Variants in TMEM244 observed in about 807,000 individuals in gnomAD.
The protein encoded by TMEM244 is transmembrane protein 244, also known as putative transmembrane protein 244.
In TMEM244, 13 loss-of-function variants were observed where a neutral mutation model predicts 15.8. The observed-to-expected ratio is 0.82, with a 90% confidence interval of 0.53 to 1.30. TMEM244 has a LOEUF of 1.30. Ranked by LOEUF, TMEM244 falls within the 50% of genes most tolerant of loss-of-function variation. The pLI is 0.00. For synonymous variants in TMEM244, 45 were observed against 48.7 expected (o/e 0.92, Z 0.32); for missense variants, 161 against 144.9 (o/e 1.11, Z -0.57).
At position 129,851,847 on chromosome 6, in the gene TMEM244, A is replaced by G. The variant is rs75726567; in HGVS notation, c.34-5995T>C. 3.3e-5 allele frequency among the ~76,000 whole-genome samples: 5 copies of G among 152,362 alleles called. No individual in the cohort carries two copies. In the East Asian group the frequency reaches 9.6e-4, roughly 29 times the overall value. ...AGTCTAGATATTTGGCTACTGCCAAACTTTTTATTACGTTTTTAAATATAT... is the reference window on the plus strand; with the variant it reads ...AGTCTAGATATTTGGCTACTGCCAAGCTTTTTATTACGTTTTTAAATATAT... On this transcript the variant is annotated intron_variant, in intron 1 of 4. Transcript: ENST00000368143.
chr6:129,856,967 G>A (rs1419219984), intron 1 of TMEM244, among the ~76,000 whole-genome samples: 1 of 151,848 alleles, frequency 6.6e-6, no homozygotes, highest in Admixed American at 6.6e-5. Context: ...ATTAACAGAA[G>A]TGTTAATCAT....
intron 1 of TMEM244, among the ~76,000 whole-genome samples, chr6:129,852,485 G>A (rs1776648289): frequency 6.6e-6 from 1 of 152,086 alleles, no homozygotes; most frequent in African/African-American, 2.4e-5. Context: ...CGCCTTCTTT[G>A]TTCCTCTGGG....
chr6:129,836,685 T>G (rs1776413397), intron 3 of TMEM244, among the ~76,000 whole-genome samples: 1 of 152,136 alleles, frequency 6.6e-6, no homozygotes, highest in African/African-American at 2.4e-5. Context: ...TGAAAAAAGA[T>G]TAGATGAATG....
intron 1 of TMEM244, among the ~76,000 whole-genome samples, chr6:129,859,820 G>C (rs867373745): frequency 6.6e-6 from 1 of 152,078 alleles, no homozygotes; most frequent in South Asian, 2.1e-4. Flanking sequence ...TTGAGTATTC[G>C]AGTTATCTCT....
At chr6:129,852,029 A>C (rs1191410364) in intron 1 of TMEM244, among the ~76,000 whole-genome samples, 1 of 152,202 alleles carries the variant, frequency 6.6e-6, no homozygotes, top group African/African-American at 2.4e-5. Flanking sequence ...CTTATCTTTA[A>C]AGATGCATAA....
At chr6:129,859,526 T>C (rs1776770730) in intron 1 of TMEM244, among the ~76,000 whole-genome samples, 1 of 152,248 alleles carries the variant, frequency 6.6e-6, no homozygotes, top group Non-Finnish European at 1.5e-5. Flanking sequence ...CTGAGATTTT[T>C]ACAACATTTG....
intron 3 of TMEM244, among the ~76,000 whole-genome samples, chr6:129,836,128 C>T (rs1000439853): frequency 3.3e-5 from 5 of 152,136 alleles, no homozygotes; most frequent in Admixed American, 1.3e-4. Flanking sequence ...CCCTGACCCC[C>T]GTGTAGCCTG....
chr6:129,847,831 A>G (rs1248928587), intron 1 of TMEM244, among the ~76,000 whole-genome samples: 1 of 148,162 alleles, frequency 6.7e-6, no homozygotes, highest in African/African-American at 2.5e-5. Context: ...CTGGAGTGCA[A>G]TGGCATGATC....
chr6:129,854,657 G>A (rs1344263559), intron 1 of TMEM244, among the ~76,000 whole-genome samples: 1 of 152,154 alleles, frequency 6.6e-6, no homozygotes, highest in Non-Finnish European at 1.5e-5. Context: ...GTCACTGAAA[G>A]AGGTACAATT....
chr6:129,852,924 A>G (rs1400556926), intron 1 of TMEM244, among the ~76,000 whole-genome samples: 4 of 152,054 alleles, frequency 2.6e-5, no homozygotes, highest in East Asian at 3.9e-4. Context: ...GGTGCTCCTC[A>G]GGTAGATCCC....
chr6:129,858,389 G>C (rs1776748540), intron 1 of TMEM244, among the ~76,000 whole-genome samples: 1 of 152,106 alleles, frequency 6.6e-6, no homozygotes, highest in African/African-American at 2.4e-5. Context: ...GAAACTGGAA[G>C]CCCTTGTGTG....
intron 2 of TMEM244, among the ~76,000 whole-genome samples, chr6:129,844,669 C>T (rs1776538322): frequency 6.6e-6 from 1 of 152,192 alleles, no homozygotes; most frequent in Non-Finnish European, 1.5e-5. Context: ...CCCTTAAAAT[C>T]CGGTGCTCAG....
rs748675775 is a variant in TMEM244, at chr6:129,861,271, G to A, written c.-83C>T. The A allele has an allele frequency of 7.2e-6, 11 of 1,520,314 alleles. No individual in the cohort carries two copies. Among genetic ancestry groups the A allele is most frequent in the Admixed American group, 3.4e-5 (2 of 58,004 alleles). The allele number at this position is 1,520,314 out of a possible 1,614,324, so 94.2% of individuals were successfully genotyped here. Reference sequence around the variant, plus strand: ...TGGAAGAAGACACAATTGTCACCGTGAGCTTTTCAATTACTCCTGGAGACT... The same window carrying A: ...TGGAAGAAGACACAATTGTCACCGTAAGCTTTTCAATTACTCCTGGAGACT... On this transcript the variant is annotated 5_prime_UTR_variant, in exon 1 of 5. Coordinates refer to ENST00000368143, the MANE Select transcript of TMEM244 (RefSeq NM_001010876.2).
chr6:129,840,347 T>C (rs953680174), intron 3 of TMEM244, among the ~76,000 whole-genome samples: 7 of 152,176 alleles, frequency 4.6e-5, no homozygotes, highest in African/African-American at 1.7e-4. Context: ...CCCTATTTAA[T>C]AAATGGTGCT....
intron 3 of TMEM244, among the ~76,000 whole-genome samples, chr6:129,836,636 G>A (rs1422323922): frequency 6.6e-6 from 1 of 152,120 alleles, no homozygotes; most frequent in South Asian, 2.1e-4. Context: ...CTGAGATAAA[G>A]GAGCATCTTC....
At position 129,843,700 on chromosome 6, in the gene TMEM244, G is replaced by A. The variant is rs1048763436; in HGVS notation, c.120-97C>T. ...CGTTACTATTTTCATACAAGGATAAGCTATGCGATTCACCCACATTGTGGC... is the reference window on the plus strand; with the variant it reads ...CGTTACTATTTTCATACAAGGATAAACTATGCGATTCACCCACATTGTGGC... On this transcript the variant is annotated intron_variant, in intron 2 of 4. Transcript: ENST00000368143. 5.7e-6 allele frequency: 5 copies of A among 870,754 alleles called. No individual in the cohort carries two copies. The Admixed American group carries it at 8.7e-5, about 15-fold the overall frequency. 53.9% of individuals were successfully genotyped at this position (870,754 alleles called of 1,614,324 possible). A position where few individuals can be genotyped will look rare whatever the true frequency, so the allele number is the denominator to read the frequency against.
intron 1 of TMEM244, among the ~76,000 whole-genome samples, chr6:129,857,627 T>G (rs1322879392): frequency 6.6e-6 from 1 of 152,102 alleles, no homozygotes; most frequent in African/African-American, 2.4e-5. Flanking sequence ...CCCAAAGTGT[T>G]GGGATAATAG....
chr6:129,833,098 G>A (rs1255455551), intron 4 of TMEM244, among the ~76,000 whole-genome samples: 1 of 152,098 alleles, frequency 6.6e-6, no homozygotes, highest in Non-Finnish European at 1.5e-5. Flanking sequence ...GCTAATAATA[G>A]TATTATACCA....
intron 1 of TMEM244, among the ~76,000 whole-genome samples, chr6:129,853,515 C>A (rs918242546): frequency 2.6e-5 from 4 of 151,954 alleles, no homozygotes; most frequent in Non-Finnish European, 5.9e-5. Context: ...CACCAGTCTG[C>A]AAATTGTGCA....
Sources: allele counts gnomAD v4.1 joint callset (sites outside exome capture counted in the v4.1 genomes callset), GRCh38; gene constraint gnomAD v4.1.1; transcripts MANE v1.5; gene names NCBI Gene and HGNC (gene_info 2026-07-23, HGNC 2026-07-21).